CIART: variants seen among roughly 807,000 people sequenced by gnomAD.
CIART encodes the protein circadian-associated transcriptional repressor.
Under a neutral mutation model 22.1 loss-of-function variants are expected in CIART, and 7 were observed. The observed-to-expected ratio is 0.32, with a 90% CI of 0.18 to 0.59. The LOEUF is 0.59. Ranked by LOEUF, CIART falls within the 20% of genes least tolerant of loss-of-function variation. CIART has a pLI of 0.86. For missense variants in CIART, 440 were observed against 478.0 expected, an observed-to-expected ratio of 0.92 and a Z score of 0.74; for synonymous variants, 163 against 174.6, an observed-to-expected ratio of 0.93 and a Z score of 0.53.
chr1:150,286,768 G>C lies in CIART; in HGVS notation c.972G>C (p.Glu324Asp). 1 of 1,613,364 alleles carries C rather than the reference G, an allele frequency of 6.2e-7. No homozygotes were observed. The change falls in exon 5 of 5, where the codon GAG becomes GAC. Residue 324 changes from glutamate to aspartate, a missense_variant. Physicochemically the swap from Glu to Asp is conservative, Grantham distance 45 (BLOSUM62 2). Transcript: ENST00000290363. ...PTTASPVIPG[E>D]PMKLSGEGPR... ...CAGCATCTCCTGTCATCCCTGGTGA[G>C]CCTATGAAACTATCTGGAGAGGGTC...
chr1:150,283,252 C>A lies in CIART; in HGVS notation c.-16C>A. 1 of 1,511,042 alleles carries A rather than the reference C, an allele frequency of 6.6e-7. No homozygotes were observed. Among genetic ancestry groups the A allele is most frequent in the South Asian group, 1.4e-5 (1 of 73,732 alleles). 93.6% of individuals were successfully genotyped at this position (1,511,042 alleles called of 1,614,324 possible). ...GGTACTCCAGGAGCTGTTCTATAGC[C>A]CCTGCTTCTGGACCTATGGATTCTC... On this transcript the variant is annotated 5_prime_UTR_variant, in exon 1 of 5. Coordinates refer to ENST00000290363, the MANE Select transcript of CIART (RefSeq NM_144697.4).
At chr1:150,284,004 TTA>T in intron 2 of CIART, 124 bp downstream of exon 2, 1 of 292,032 alleles carries the variant, frequency 3.4e-6, no homozygotes, top group Non-Finnish European at 6.0e-6. Flanking sequence ...TACTATGACT[TTA>T]TTATTATTAT....
At chr1:150,285,015 G>A (rs2101892388) in intron 4 of CIART, 1 of 357,850 alleles carries the variant, frequency 2.8e-6, no homozygotes, top group East Asian at 6.5e-5. Flanking sequence ...GATTCATGCG[G>A]GAATACACCT....
rs1653256475 is a variant in CIART, at chr1:150,283,280, T to C, written c.13T>C (p.Ser5Pro). Residue 5 changes from serine to proline, a missense_variant, in exon 1 of 5, where the codon TCT (serine) becomes CCT (proline). Coordinates refer to ENST00000290363, the MANE Select transcript of CIART (RefSeq NM_144697.4). MDSP[S>P]SVSSYSSYSL... is the part of the protein sequence containing the mutation. The stretch of plus-strand genomic sequence containing the variant: ...TGCTTCTGGACCTATGGATTCTCCA[T>C]CTAGCGTTTCTTCCTATTCCTCCTA... The C allele has an allele frequency of 6.6e-7, 1 of 1,521,256 alleles. No homozygotes were observed. The highest frequency in any genetic ancestry group is 2.3e-5 in the East Asian group (1 of 44,118). The allele number at this position is 1,521,256 out of a possible 1,614,324, so 94.2% of individuals were successfully genotyped here.
chr1:150,283,928 C>G, intron 2 of CIART, 48 bp downstream of exon 2: 1 of 1,423,090 alleles, frequency 7.0e-7, no homozygotes, highest in Admixed American at 1.7e-5. Context: ...TTCTCTTTCT[C>G]TTTCCCTCTT....
At chr1:150,286,230 G>C (rs797032380) in intron 4 of CIART, among the ~76,000 whole-genome samples, 200 bp from the exon 5 acceptor site, 15 of 152,190 alleles carry the variant, frequency 9.9e-5, no homozygotes, top group African/African-American at 3.6e-4. Flanking sequence ...CCATTTATTT[G>C]TTTAATAAAT....
chr1:150,284,381 A>G (rs782367792), intron 2 of CIART, 45 bp from the exon 3 acceptor site: 19 of 1,509,452 alleles, frequency 1.3e-5, no homozygotes, highest in Non-Finnish European at 1.7e-5. Flanking sequence ...ACCTGACTAC[A>G]TGCTTGAATC....
chr1:150,283,658 AT>A lies in CIART; in HGVS notation c.366+27del. 1.9e-6 allele frequency: 3 copies of A among 1,610,000 alleles called. No homozygotes were observed. In the South Asian group the frequency reaches 3.3e-5, roughly 18 times the overall value. On this transcript the variant is annotated intron_variant, in intron 1 of 4. Coordinates refer to ENST00000290363, the MANE Select transcript of CIART (RefSeq NM_144697.4). ...GGTAAGAGAAAGCAGGTGAAAGGAG[AT>A]TCTCCTGGAGTGCCTTAGCACCCAG...
In CIART at chr1:150,286,794, C is replaced by G. The variant is rs782736910; in HGVS notation, c.998C>G (p.Pro333Arg). The G allele has an allele frequency of 6.2e-7, 1 of 1,613,676 alleles. No individual in the cohort carries two copies. The highest frequency in any genetic ancestry group is 2.2e-5 in the East Asian group (1 of 44,882). ...CCTATGAAACTATCTGGAGAGGGTC[C>G]TCGTTGCTACAGTTTGCCAGTAACT... The part of the protein sequence containing the change: ...GEPMKLSGEG[P>R]RCYSLPVTLP... The change falls in exon 5 of 5, where the codon CCT (proline) becomes CGT (arginine). Residue 333 changes from proline (P) to arginine (R), a missense_variant. Coordinates refer to ENST00000290363, the MANE Select transcript of CIART (RefSeq NM_144697.4).
In CIART at chr1:150,284,509, G is replaced by T; in HGVS notation, c.521+5G>T. On this transcript the variant is annotated splice_donor_5th_base_variant and intron_variant, in intron 3 of 4. Transcript: ENST00000290363. ...TTTGCAGAAGCCACAGATGGGGTAA[G>T]TCCCGCTGGTTCTTTGCTTGGGTCT... The T allele has an allele frequency of 6.2e-7, 1 of 1,606,578 alleles. No individual in the cohort carries two copies. Among genetic ancestry groups the T allele is most frequent in the Non-Finnish European group, 8.5e-7 (1 of 1,173,132 alleles).
Position 150,287,046 on chromosome 1 carries a change from G to A in CIART, c.*92G>A. On this transcript the variant is annotated 3_prime_UTR_variant, in exon 5 of 5. Transcript: ENST00000290363. ...TACTATTAATGTGTGCATTTGTGTT[G>A]AGGGAAGATAAATCCTTTCTGATTA... 1 of 1,233,316 alleles carries A rather than the reference G, an allele frequency of 8.1e-7. No individual in the cohort carries two copies. Among genetic ancestry groups the A allele is most frequent in the African/African-American group, 1.6e-5 (1 of 64,016 alleles). 76.4% of individuals were successfully genotyped at this position (1,233,316 alleles called of 1,614,324 possible).
Position 150,283,896 on chromosome 1 carries a change from C to T in CIART, c.442+16C>T. Reference sequence around the variant, plus strand: ...TTTGAGAGAGGTAATCTTATTGTTGCATTCATTTGGGCTAGGTTCATTTCT... The same window carrying T: ...TTTGAGAGAGGTAATCTTATTGTTGTATTCATTTGGGCTAGGTTCATTTCT... On this transcript the variant is annotated intron_variant, in intron 2 of 4. Transcript: ENST00000290363. 1 of 1,536,426 alleles carries T rather than the reference C, an allele frequency of 6.5e-7. No homozygotes were observed. Among genetic ancestry groups the T allele is most frequent in the Non-Finnish European group, 9.0e-7 (1 of 1,110,440 alleles).
chr1:150,286,829 G>C lies in CIART; in HGVS notation c.1033G>C (p.Asp345His). 1 of 1,613,638 alleles carries C rather than the reference G, an allele frequency of 6.2e-7. No individual in the cohort carries two copies. Among genetic ancestry groups the C allele is most frequent in the Non-Finnish European group, 8.5e-7 (1 of 1,179,642 alleles). ...CYSLPVTLPSDWSYTLSPPSL... is the reference protein window; with the variant it reads ...CYSLPVTLPSHWSYTLSPPSL... ...CAGTTTGCCAGTAACTCTGCCATCA[G>C]ACTGGAGCTATACCCTATCCCCTCC... The change falls in exon 5 of 5, where the codon GAC (aspartate) becomes CAC (histidine). Residue 345 changes from aspartate (D) to histidine (H), a missense_variant. Asp to His is a moderately conservative substitution (Grantham distance 81). Transcript: ENST00000290363.
chr1:150,285,872 G>T (rs1255059935), intron 4 of CIART, among the ~76,000 whole-genome samples: 4 of 152,020 alleles, frequency 2.6e-5, no homozygotes, highest in African/African-American at 9.7e-5. Flanking sequence ...GCTGAGGCTG[G>T]GTGGGAGGCT....
Position 150,283,278 on chromosome 1 carries a change from C to A in CIART, c.11C>A (p.Pro4Gln). 6.6e-7 allele frequency: 1 copy of A among 1,519,844 alleles called. No homozygotes were observed. Among genetic ancestry groups the A allele is most frequent in the South Asian group, 1.3e-5 (1 of 75,048 alleles). The allele number at this position is 1,519,844 out of a possible 1,614,324, so 94.1% of individuals were successfully genotyped here. Residue 4 changes from proline (P) to glutamine (Q), a missense_variant, in exon 1 of 5, where the codon CCA becomes CAA. Pro to Gln is a moderately conservative substitution (Grantham distance 76, BLOSUM62 -1). Transcript: ENST00000290363. Reference protein sequence around the residue: MDSPSSVSSYSSYS... With the variant: MDSQSSVSSYSSYS... Reference sequence around the variant, plus strand: ...CCTGCTTCTGGACCTATGGATTCTCCATCTAGCGTTTCTTCCTATTCCTCC... The same window carrying A: ...CCTGCTTCTGGACCTATGGATTCTCAATCTAGCGTTTCTTCCTATTCCTCC...
Position 150,286,742 on chromosome 1 carries a change from A to G in CIART, c.946A>G (p.Thr316Ala), listed in dbSNP as rs1553854757. The G allele has an allele frequency of 6.2e-7, 1 of 1,612,736 alleles. No homozygotes were observed. ...CCCAACCACCCCAGTCCCACCTACTACAGCATCTCCTGTCATCCCTGGTGA... is the reference window on the plus strand; with the variant it reads ...CCCAACCACCCCAGTCCCACCTACTGCAGCATCTCCTGTCATCCCTGGTGA... ...SAPTTPVPPT[T>A]ASPVIPGEPM... Residue 316 changes from threonine to alanine, a missense_variant, in exon 5 of 5, where the codon ACA (threonine) becomes GCA (alanine). By Grantham distance (58) the Thr-to-Ala change is moderately conservative (BLOSUM62 0). Coordinates refer to ENST00000290363, the MANE Select transcript of CIART (RefSeq NM_144697.4).
At chr1:150,284,373 C>G in intron 2 of CIART, 53 bp from the exon 3 acceptor site, 2 of 1,485,096 alleles carry the variant, frequency 1.3e-6, no homozygotes, top group South Asian at 2.3e-5. Context: ...CTTCCTTTAC[C>G]TGACTACATG....
In CIART at chr1:150,283,331, T is replaced by C. The variant is rs1553853897; in HGVS notation, c.64T>C (p.Ser22Pro). Residue 22 changes from serine (S) to proline (P), a missense_variant, in exon 1 of 5, where the codon TCC (serine) becomes CCC (proline). Physicochemically the swap from Ser to Pro is moderately conservative, Grantham distance 74 (BLOSUM62 -1). Transcript: ENST00000290363. ...SYSLSSSFPT[S>P]PVNSDFGFPS... ...CTCTCTCTCTTCGTCTTTTCCCACC[T>C]CCCCAGTGAACAGTGACTTTGGCTT... 1 of 1,552,814 alleles carries C rather than the reference T, an allele frequency of 6.4e-7. No homozygotes were observed. The highest frequency in any genetic ancestry group is 8.7e-7 in the Non-Finnish European group (1 of 1,152,442).
At chr1:150,285,743 A>G (rs1293275033) in intron 4 of CIART, among the ~76,000 whole-genome samples, 1 of 152,016 alleles carries the variant, frequency 6.6e-6, no homozygotes, top group African/African-American at 2.4e-5. Flanking sequence ...TGGGAGGCCA[A>G]AGCAGGAGGA....
Sources: gnomAD v4.1 joint callset for allele counts (sites outside exome capture counted in the v4.1 genomes callset) on GRCh38, gnomAD v4.1.1 for gene constraint, MANE v1.5 for transcripts, NCBI Gene and HGNC (gene_info 2026-07-23, HGNC 2026-07-21) for gene names.